The following GRID2 variants were observed in gnomAD, a reference collection of about 807,000 sequenced individuals.
GRID2 encodes glutamate receptor ionotropic, delta-2.
A neutral mutation model predicts 114.8 loss-of-function variants in GRID2; 33 were observed. The observed-to-expected ratio is 0.29, with a 90% CI of 0.22 to 0.38. The LOEUF (loss-of-function observed/expected upper bound fraction) is 0.38, where lower values mean the gene tolerates loss of function less well. Among genes scored for constraint, GRID2 ranks in the 10% least tolerant of loss-of-function variants. The pLI is 1.00. For synonymous variants in GRID2, 505 were observed against 449.9 expected, an observed-to-expected ratio of 1.12 and a Z score of -1.55; for missense variants, 1,184 against 1,257.7, an observed-to-expected ratio of 0.94 and a Z score of 0.89.
intron 14 of GRID2, among the ~76,000 whole-genome samples, chr4:93,656,846 AAAAAAAAAAAAC>A (rs1230034555): frequency 6.8e-6 from 1 of 148,118 alleles, no homozygotes; most frequent in Non-Finnish European, 1.5e-5. Flanking sequence ...AAAAAAAAAA[AAAAAAAAAAAAC>A]AAATAATTCC....
At chr4:92,516,729 T>C (rs1028234854) in intron 1 of GRID2, among the ~76,000 whole-genome samples, 1 of 151,798 alleles carries the variant, frequency 6.6e-6, no homozygotes, top group Non-Finnish European at 1.5e-5. Flanking sequence ...AGTGTTGCCA[T>C]GTTTCGGTTA....
chr4:92,486,834 C>T (rs1193615397), intron 1 of GRID2, among the ~76,000 whole-genome samples: 2 of 151,934 alleles, frequency 1.3e-5, no homozygotes, highest in Non-Finnish European at 2.9e-5. Flanking sequence ...AGATGCTTAA[C>T]ATCTCTAAAA....
chr4:93,265,235 G>A (rs1484366333), intron 8 of GRID2, among the ~76,000 whole-genome samples: 1 of 146,834 alleles, frequency 6.8e-6, no homozygotes, highest in Non-Finnish European at 1.5e-5. Flanking sequence ...CTGCAGTTGA[G>A]ACATAAAAAA....
intron 2 of GRID2, among the ~76,000 whole-genome samples, chr4:92,782,071 A>C (rs867688490): frequency 6.6e-6 from 1 of 152,076 alleles, no homozygotes; most frequent in African/African-American, 2.4e-5. Context: ...TGAAAAGTAC[A>C]TTGAAACAGA....
At chr4:93,671,266 C>A (rs979826313) in intron 14 of GRID2, among the ~76,000 whole-genome samples, 1 of 152,112 alleles carries the variant, frequency 6.6e-6, no homozygotes, top group Non-Finnish European at 1.5e-5. Context: ...TTGACCTAGG[C>A]CCTTGGTGTA....
intron 2 of GRID2, among the ~76,000 whole-genome samples, chr4:92,838,632 T>C (rs1046139580): frequency 3.9e-5 from 6 of 152,124 alleles, no homozygotes; most frequent in Non-Finnish European, 8.8e-5. Flanking sequence ...TATTATCAAA[T>C]GTAACCTTGA....
chr4:93,614,352 T>C (rs1307366717), intron 13 of GRID2, among the ~76,000 whole-genome samples: 1 of 152,162 alleles, frequency 6.6e-6, no homozygotes, highest in Non-Finnish European at 1.5e-5. Flanking sequence ...AAAATTATTA[T>C]TTAGAGTACA....
intron 2 of GRID2, among the ~76,000 whole-genome samples, chr4:93,024,233 A>G (rs927549114): frequency 6.6e-6 from 1 of 151,770 alleles, no homozygotes; most frequent in South Asian, 2.1e-4. Flanking sequence ...TTATGCAAAC[A>G]GGTTCCAATC....
At chr4:93,572,595 CTTATT>C (rs1736034111) in intron 13 of GRID2, among the ~76,000 whole-genome samples, 1 of 151,946 alleles carries the variant, frequency 6.6e-6, no homozygotes, top group Admixed American at 6.6e-5. Flanking sequence ...TATAGAATGT[CTTATT>C]TTAGCTAGGT....
At chr4:92,675,117 A>C (rs1733280761) in intron 2 of GRID2, among the ~76,000 whole-genome samples, 1 of 152,092 alleles carries the variant, frequency 6.6e-6, no homozygotes, top group Non-Finnish European at 1.5e-5. Flanking sequence ...CAACAACTTG[A>C]TCTTTTGAGG....
At chr4:93,566,718 C>A (rs1370572874) in intron 13 of GRID2, among the ~76,000 whole-genome samples, 1 of 151,946 alleles carries the variant, frequency 6.6e-6, no homozygotes, top group Non-Finnish European at 1.5e-5. Flanking sequence ...TGCAGTGAGC[C>A]AAGCTTGCCC....
intron 8 of GRID2, among the ~76,000 whole-genome samples, chr4:93,240,640 T>C (rs1162279051): frequency 2.6e-5 from 4 of 151,488 alleles, no homozygotes; most frequent in Admixed American, 1.3e-4. Context: ...TATTGCTGTT[T>C]AGTATTATCT....
intron 8 of GRID2, among the ~76,000 whole-genome samples, chr4:93,330,952 C>T (rs756557060): frequency 3.9e-5 from 6 of 152,058 alleles, no homozygotes; most frequent in Non-Finnish European, 8.8e-5. Flanking sequence ...CTGAAAGGCA[C>T]ATTCTCATAG....
intron 14 of GRID2, among the ~76,000 whole-genome samples, chr4:93,668,386 T>A (rs1235230439): frequency 6.6e-6 from 1 of 152,026 alleles, no homozygotes; most frequent in African/African-American, 2.4e-5. Context: ...TTTTTTTGCA[T>A]TCAGACTGTT....
intron 5 of GRID2, among the ~76,000 whole-genome samples, chr4:93,211,081 C>T (rs1743413551): frequency 6.6e-6 from 1 of 152,008 alleles, no homozygotes; most frequent in Admixed American, 6.6e-5. Flanking sequence ...GGCCATTCTC[C>T]TGTATTGGTT....
At chr4:93,655,080 AACAC>A (rs1357920570) in intron 14 of GRID2, among the ~76,000 whole-genome samples, 2 of 152,132 alleles carry the variant, frequency 1.3e-5, no homozygotes, top group East Asian at 3.8e-4. Context: ...TTCAGAACTG[AACAC>A]CATATAAGTA....
At chr4:93,600,688 T>G (rs1739584675) in intron 13 of GRID2, among the ~76,000 whole-genome samples, 1 of 152,170 alleles carries the variant, frequency 6.6e-6, no homozygotes, top group East Asian at 1.9e-4. Context: ...ATATATAGCC[T>G]ATGACTTAGC....
chr4:93,088,830 A>G (rs920024011), intron 3 of GRID2, among the ~76,000 whole-genome samples: 5 of 152,120 alleles, frequency 3.3e-5, no homozygotes, highest in Admixed American at 2.6e-4. Flanking sequence ...CTTGTTCACA[A>G]AAAACATAAC....
intron 2 of GRID2, among the ~76,000 whole-genome samples, chr4:92,684,152 TA>T (rs1733788054): frequency 1.3e-5 from 2 of 152,032 alleles, no homozygotes; most frequent in African/African-American, 4.8e-5. Flanking sequence ...AAAACAATCA[TA>T]TGTAATTTAT....
Sources: allele counts gnomAD v4.1 joint callset (sites outside exome capture counted in the v4.1 genomes callset), GRCh38; gene constraint gnomAD v4.1.1; transcripts MANE v1.5; gene names NCBI Gene and HGNC (gene_info 2026-07-23, HGNC 2026-07-21).